Variants in NAV2 observed in about 807,000 individuals in gnomAD.
The protein encoded by NAV2 is neuron navigator 2, also known as helicase, APC down-regulated 1.
NAV2 carries 54 observed loss-of-function variants against 223.2 expected under a neutral mutation model. The observed-to-expected ratio is 0.24, with a 90% CI of 0.19 to 0.30. The LOEUF is 0.30. NAV2 is among the 10% of genes least tolerant of loss of function. NAV2 has a pLI of 1.00. For missense variants in NAV2, 2,806 were observed against 3,147.5 expected (o/e 0.89, Z 2.60); for synonymous variants, 1,279 against 1,239.3 (o/e 1.03, Z -0.67).
chr11:19,449,960 T>C (rs951896870), intron 1 of NAV2, among the ~76,000 whole-genome samples: 2 of 152,266 alleles, frequency 1.3e-5, no homozygotes, highest in Middle Eastern at 3.4e-3. Context: ...AGAGCCTTTA[T>C]TCACTTTTCT....
chr11:20,033,821 T>C (rs2056050896), intron 11 of NAV2, among the ~76,000 whole-genome samples: 1 of 151,638 alleles, frequency 6.6e-6, no homozygotes. Context: ...TTTGGGGTTA[T>C]GTGTGTGTGT....
At chr11:19,598,833 C>T (rs1454516311) in intron 1 of NAV2, among the ~76,000 whole-genome samples, 1 of 152,070 alleles carries the variant, frequency 6.6e-6, no homozygotes, top group Non-Finnish European at 1.5e-5. Context: ...TGCAAATATC[C>T]CCCGTGATTT....
intron 1 of NAV2, chr11:19,511,413 G>A (rs2043275279): frequency 6.6e-6 from 1 of 152,288 alleles, no homozygotes; most frequent in South Asian, 2.1e-4. Context: ...TGTTGGAGAG[G>A]GGTGGAAAGG....
At chr11:19,396,137 G>T (rs150010046) in intron 1 of NAV2, among the ~76,000 whole-genome samples, 167 of 152,308 alleles carry the variant, frequency 1.1e-3, no homozygotes, top group Non-Finnish European at 1.5e-3. Flanking sequence ...GATGGTTGTT[G>T]TGAATAACCA....
chr11:19,364,683 A>G (rs1209265612), intron 1 of NAV2, among the ~76,000 whole-genome samples: 1 of 152,236 alleles, frequency 6.6e-6, no homozygotes, highest in African/African-American at 2.4e-5. Flanking sequence ...CAAGAGGGAT[A>G]CAGTGACCTG....
At chr11:19,940,498 G>A (rs1007901002) in intron 8 of NAV2, among the ~76,000 whole-genome samples, 1 of 152,140 alleles carries the variant, frequency 6.6e-6, no homozygotes, top group African/African-American at 2.4e-5. Flanking sequence ...AAAACTCTGT[G>A]TCCCAAGCTC....
chr11:19,858,495 T>C lies in NAV2; in HGVS notation c.439-10430T>C, dbSNP rs539740867. Among the ~76,000 whole-genome samples, 437 of 152,382 alleles carry C rather than the reference T, an allele frequency of 2.9e-3. 1 individual carries two copies. The highest frequency in any genetic ancestry group is 5.5e-3 in the Non-Finnish European group (372 of 68,038). ...GCACACTTAGGTTATTTTCATATCC[T>C]GGTAATTGTGAATAGTGCTGCAGTG... On this transcript the variant is annotated intron_variant, in intron 3 of 37. Transcript: ENST00000349880.
chr11:19,896,683 T>C (rs2042008866), intron 6 of NAV2, among the ~76,000 whole-genome samples: 1 of 152,240 alleles, frequency 6.6e-6, no homozygotes, highest in South Asian at 2.1e-4. Context: ...GGAGGAATTG[T>C]TCTAATGACA....
intron 1 of NAV2, among the ~76,000 whole-genome samples, chr11:19,744,413 C>T (rs1451358830): frequency 6.6e-6 from 1 of 152,194 alleles, no homozygotes; most frequent in Non-Finnish European, 1.5e-5. Context: ...TTAGTTCTGA[C>T]ACCACTCATG....
At chr11:20,012,893 G>A (rs1198163407) in intron 11 of NAV2, among the ~76,000 whole-genome samples, 3 of 152,300 alleles carry the variant, frequency 2.0e-5, no homozygotes, top group East Asian at 1.9e-4. Flanking sequence ...TACCAGCAGT[G>A]TGGCCTTGGG....
chr11:19,509,844 C>G (rs557926804), intron 1 of NAV2, among the ~76,000 whole-genome samples: 1 of 143,680 alleles, frequency 7.0e-6, no homozygotes, highest in East Asian at 2.0e-4. Flanking sequence ...CCCAAAACAT[C>G]CAACTGGAAA....
intron 1 of NAV2, among the ~76,000 whole-genome samples, chr11:19,471,393 G>A (rs1463514317): frequency 3.3e-5 from 5 of 152,178 alleles, no homozygotes; most frequent in African/African-American, 1.2e-4. Flanking sequence ...CCAACATATA[G>A]CAGTATTAAT....
chr11:19,520,710 C>A (rs1197151629), intron 1 of NAV2, among the ~76,000 whole-genome samples: 1 of 152,190 alleles, frequency 6.6e-6, no homozygotes, highest in Non-Finnish European at 1.5e-5. Context: ...TCAAAGACAG[C>A]TCAGATTTCA....
chr11:19,889,134 G>A (rs559572267), intron 5 of NAV2, among the ~76,000 whole-genome samples: 1 of 152,278 alleles, frequency 6.6e-6, no homozygotes, highest in African/African-American at 2.4e-5. Flanking sequence ...TAAAAGTTCA[G>A]TCTGAATTAG....
chr11:19,690,002 C>T (rs1290650361), intron 1 of NAV2, among the ~76,000 whole-genome samples: 1 of 152,216 alleles, frequency 6.6e-6, no homozygotes, highest in Non-Finnish European at 1.5e-5. Flanking sequence ...CAGAGTTTCG[C>T]TCCTGTTACC....
chr11:19,777,882 G>A (rs978375090), intron 1 of NAV2: 3 of 455,786 alleles, frequency 6.6e-6, no homozygotes, highest in African/African-American at 6.0e-5. Context: ...AGCGTGGTCC[G>A]CGTCCCCCGA....
At chr11:19,981,409 A>C (rs2050272081) in intron 10 of NAV2, 2 of 152,302 alleles carry the variant, frequency 1.3e-5, no homozygotes, top group South Asian at 4.1e-4. Flanking sequence ...CTTAGCAGGA[A>C]GCCAGGGTTC....
intron 1 of NAV2, chr11:19,778,500 C>A: frequency 1.2e-5 from 3 of 249,120 alleles, no homozygotes; most frequent in Admixed American, 5.4e-5. Context: ...CTACCAAAAA[C>A]AAAAACAAAA....
rs368951163 is a variant in NAV2, at chr11:19,396,564, A to T, written c.75+45537A>T. On this transcript the variant is annotated intron_variant, in intron 1 of 37. Transcript: ENST00000360655. Reference sequence around the variant, plus strand: ...TCCATGAAGTCTGTTGCATCTCCAGAAGGAGCATGTGCTCTTTCTGTCCCC... The same window carrying T: ...TCCATGAAGTCTGTTGCATCTCCAGTAGGAGCATGTGCTCTTTCTGTCCCC... 8.9e-4 allele frequency among the ~76,000 whole-genome samples: 135 copies of T among 152,210 alleles called. 1 individual carries two copies. The highest frequency in any genetic ancestry group is 3.2e-3 in the African/African-American group (131 of 41,518).
Sources: allele counts gnomAD v4.1 joint callset (sites outside exome capture counted in the v4.1 genomes callset), GRCh38; gene constraint gnomAD v4.1.1; transcripts MANE v1.5; gene names NCBI Gene and HGNC (gene_info 2026-07-23, HGNC 2026-07-21).